KMT2C: variants seen among roughly 807,000 people sequenced by gnomAD.
The protein encoded by KMT2C is histone-lysine N-methyltransferase 2C.
In KMT2C, 88 loss-of-function variants were observed where a neutral mutation model predicts 507.9. That is an observed-to-expected ratio of 0.17 (90% CI 0.15 to 0.21). The LOEUF (loss-of-function observed/expected upper bound fraction) is 0.21. Ranked by LOEUF, KMT2C falls within the 10% of genes least tolerant of loss-of-function variation. KMT2C has a pLI of 1.00. For missense variants in KMT2C, 4,954 were observed against 5,957.8 expected, an observed-to-expected ratio of 0.83 and a Z score of 5.55; for synonymous variants, 2,049 against 2,080.8, an observed-to-expected ratio of 0.98 and a Z score of 0.42.
Position 152,156,065 on chromosome 7 carries a change from A to G in KMT2C, c.11813-8T>C. 6.3e-7 allele frequency: 1 copy of G among 1,595,860 alleles called. No homozygotes were observed. The highest frequency in any genetic ancestry group is 1.4e-5 in the African/African-American group (1 of 73,656). ...GTCCTAGAGTTTTGGTAACTGGAAA[A>G]GCAAAAACACAAAACCATAAATACA... On this transcript the variant is annotated splice_region_variant and splice_polypyrimidine_tract_variant and intron_variant, in intron 45 of 58. Transcript: ENST00000262189.
intron 1 of KMT2C, among the ~76,000 whole-genome samples, chr7:152,362,138 A>G (rs2097202161): frequency 6.6e-6 from 1 of 152,240 alleles, no homozygotes; most frequent in Non-Finnish European, 1.5e-5. Flanking sequence ...AAAAGGGACT[A>G]GCTATTTTAA....
At chr7:152,365,300 C>T (rs1270666580) in intron 1 of KMT2C, among the ~76,000 whole-genome samples, 1 of 152,126 alleles carries the variant, frequency 6.6e-6, no homozygotes, top group Non-Finnish European at 1.5e-5. Flanking sequence ...CACCTGAGGT[C>T]GAGTTCGAGA....
intron 1 of KMT2C, among the ~76,000 whole-genome samples, chr7:152,358,973 T>C (rs532037384): frequency 6.6e-5 from 10 of 152,208 alleles, no homozygotes; most frequent in Non-Finnish European, 1.3e-4. Flanking sequence ...GGTAACCTTC[T>C]GAAGTCTCCC....
chr7:152,357,263 G>A (rs1041694024), intron 2 of KMT2C, among the ~76,000 whole-genome samples: 5 of 151,358 alleles, frequency 3.3e-5, no homozygotes, highest in Non-Finnish European at 5.9e-5. Context: ...AGTGGCTCAC[G>A]CCTGTAATCC....
chr7:152,214,940 A>C (rs2094536613), intron 23 of KMT2C, among the ~76,000 whole-genome samples: 1 of 152,148 alleles, frequency 6.6e-6, no homozygotes. Flanking sequence ...AATTTGCTGA[A>C]AGAGATTTTA....
chr7:152,368,366 T>G, intron 1 of KMT2C: 1 of 1,122,790 alleles, frequency 8.9e-7, no homozygotes. Flanking sequence ...CTGGCACAAA[T>G]GGAAGAAGAA....
Position 152,136,677 on chromosome 7 carries a change from CCTAAAGGA to C in KMT2C, c.*147_*154del, listed in dbSNP as rs2089903132. On this transcript the variant is annotated 3_prime_UTR_variant, in exon 59 of 59. Coordinates refer to ENST00000262189, the MANE Select transcript of KMT2C (RefSeq NM_170606.3). ...CAGCTTCCTCCTGGCGCTGCTTTAA[CCTAAAGGA>C]CTGAGGAAATCAGAACTCCCAGAAG... is the stretch of plus-strand genomic sequence containing the variant. 1.6e-6 allele frequency: 1 copy of C among 624,508 alleles called. No homozygotes were observed. The highest frequency in any genetic ancestry group is 1.9e-5 in the South Asian group (1 of 52,150). 38.7% of individuals were successfully genotyped at this position (624,508 alleles called of 1,614,324 possible). A position where few individuals can be genotyped will look rare whatever the true frequency, so the allele number is the denominator to read the frequency against.
chr7:152,152,934 A>G lies in KMT2C; in HGVS notation c.12297T>C (p.Ala4099=), dbSNP rs1244073686. The stretch of plus-strand genomic sequence containing the variant: ...GGACGTGAAGAAGGTCGGAAAATGC[A>G]GCCACAACACTGCTAATGTTCTAAA... ...TAAENISSVV[A]AFSDLLHVRI... The change falls in exon 49 of 59, where the codon GCT becomes GCC. Residue 4099 remains alanine (A), a synonymous_variant. Coordinates refer to ENST00000262189, the MANE Select transcript of KMT2C (RefSeq NM_170606.3). 1 of 1,614,246 alleles carries G rather than the reference A, an allele frequency of 6.2e-7. No individual in the cohort carries two copies. The highest frequency in any genetic ancestry group is 1.7e-5 in the Admixed American group (1 of 60,032).
At chr7:152,267,872 G>A (rs7783017) in intron 7 of KMT2C, among the ~76,000 whole-genome samples, 1 of 152,136 alleles carries the variant, frequency 6.6e-6, no homozygotes, top group South Asian at 2.1e-4. Context: ...TCGTGGTCAT[G>A]GTGGGTTGTC....
rs371309010 is a variant in KMT2C at position 152,313,808 on chromosome 7, G to A, written c.590+1330C>T. Among the ~76,000 whole-genome samples the A allele has an allele frequency of 1.1e-4, 17 of 152,038 alleles. No homozygotes were observed. In the East Asian group the frequency reaches 2.7e-3, roughly 24 times the overall value. ...GCACTAAGTATATATAAAGACTTTC[G>A]TTTAACAAAGGCTATTTTTATATAA... On this transcript the variant is annotated intron_variant, in intron 4 of 58. Transcript: ENST00000262189.
At chr7:152,193,154 T>A (rs1489312480) in intron 31 of KMT2C, among the ~76,000 whole-genome samples, 1 of 152,156 alleles carries the variant, frequency 6.6e-6, no homozygotes, top group African/African-American at 2.4e-5. Context: ...TCAGCCTGGG[T>A]GACAGAGCGA....
intron 1 of KMT2C, among the ~76,000 whole-genome samples, chr7:152,369,974 A>G (rs2097280947): frequency 6.6e-6 from 1 of 152,112 alleles, no homozygotes; most frequent in Non-Finnish European, 1.5e-5. Flanking sequence ...CGGGCAGATC[A>G]TGAGGTCAGG....
chr7:152,308,513 T>C (rs2096640114), intron 6 of KMT2C, among the ~76,000 whole-genome samples: 1 of 151,234 alleles, frequency 6.6e-6, no homozygotes. Context: ...ACATCTCTAC[T>C]AAATATACAA....
chr7:152,301,458 G>A (rs1245226544), intron 6 of KMT2C, among the ~76,000 whole-genome samples: 1 of 151,986 alleles, frequency 6.6e-6, no homozygotes, highest in Non-Finnish European at 1.5e-5. Context: ...GCAGTGAGCC[G>A]AGATCATGCC....
intron 6 of KMT2C, among the ~76,000 whole-genome samples, chr7:152,287,986 G>A (rs1327714902): frequency 8.1e-6 from 1 of 123,056 alleles, no homozygotes; most frequent in Non-Finnish European, 1.6e-5. Context: ...ATCATTTACT[G>A]CATTCCAACC....
chr7:152,261,271 C>T (rs10228186), intron 9 of KMT2C, among the ~76,000 whole-genome samples: 24,827 of 77,566 alleles, frequency 0.32, 3,817 homozygotes, highest in African/African-American at 0.54. Flanking sequence ...AGAACAATTT[C>T]ATACTGGTAA....
chr7:152,157,376 T>C (rs1175311577), intron 44 of KMT2C, among the ~76,000 whole-genome samples: 1 of 151,840 alleles, frequency 6.6e-6, no homozygotes, highest in Non-Finnish European at 1.5e-5. Context: ...TTGTAATTAA[T>C]ACCTAAATTA....
intron 6 of KMT2C, among the ~76,000 whole-genome samples, chr7:152,276,754 T>C (rs1346274004): frequency 6.7e-6 from 1 of 148,282 alleles, no homozygotes; most frequent in African/African-American, 2.5e-5. Context: ...AACCAGTCTA[T>C]AAAATTCAAA....
chr7:152,180,957 C>T lies in KMT2C; in HGVS notation c.6903G>A (p.Gln2301=), dbSNP rs373489079. The part of the protein sequence containing the change: ...SPSAARDPYD[Q]SPMTPRSQSD... ...ACTGAGATCTTGGAGTCATTGGAGA[C>T]TGATCATAGGGATCACGGGCAGCAG... Residue 2301 remains glutamine, a synonymous_variant, in exon 36 of 59, where the codon CAG becomes CAA. Coordinates refer to ENST00000262189, the MANE Select transcript of KMT2C (RefSeq NM_170606.3). 48 of 1,614,162 alleles carry T rather than the reference C, an allele frequency of 3.0e-5. No individual in the cohort carries two copies. The African/African-American group carries it at 4.3e-4, about 14-fold the overall frequency.
Sources: allele counts gnomAD v4.1 joint callset (sites outside exome capture counted in the v4.1 genomes callset), GRCh38; gene constraint gnomAD v4.1.1; transcripts MANE v1.5; gene names NCBI Gene and HGNC (gene_info 2026-07-23, HGNC 2026-07-21).